TRHDE: variants seen among roughly 807,000 people sequenced by gnomAD.
The protein encoded by TRHDE is thyrotropin-releasing hormone-degrading ectoenzyme.
Under a neutral mutation model 125.7 loss-of-function variants are expected in TRHDE, and 72 were observed. The ratio of observed to expected loss-of-function variants is 0.57; its 90% CI spans 0.47 to 0.70. The LOEUF (loss-of-function observed/expected upper bound fraction) is 0.70, where lower values mean the gene tolerates loss of function less well. Ranked by LOEUF, TRHDE falls within the 30% of genes least tolerant of loss-of-function variation. TRHDE has a pLI of 0.00. For missense variants in TRHDE, 1,110 were observed against 1,327.1 expected (o/e 0.84, Z 2.54); for synonymous variants, 509 against 509.1 (o/e 1.00, Z 0.00).
At chr12:72,567,142 T>C (rs1416599328) in intron 9 of TRHDE, among the ~76,000 whole-genome samples, 10 of 145,398 alleles carry the variant, frequency 6.9e-5, no homozygotes, top group Admixed American at 6.7e-4. Flanking sequence ...TAAACCTATA[T>C]TGAAAGCTTG....
At chr12:72,091,584 C>A (rs61924289) in intron 1 of TRHDE, among the ~76,000 whole-genome samples, 8 of 152,126 alleles carry the variant, frequency 5.3e-5, no homozygotes, top group Non-Finnish European at 1.2e-4. Context: ...AGGGTGTGCA[C>A]GTGACCCAGG....
intron 2 of TRHDE, among the ~76,000 whole-genome samples, chr12:72,119,365 C>T (rs973515659): frequency 2.6e-5 from 4 of 151,778 alleles, no homozygotes; most frequent in African/African-American, 7.3e-5. Flanking sequence ...CTCTTGTTAT[C>T]GATTTCTAGC....
intron 2 of TRHDE, among the ~76,000 whole-genome samples, chr12:72,365,665 G>C (rs1871312336): frequency 6.6e-6 from 1 of 152,032 alleles, no homozygotes; most frequent in African/African-American, 2.4e-5. Context: ...ACACAAAAAG[G>C]AACACACACT....
At chr12:72,540,633 G>A (rs7967421) in intron 6 of TRHDE, among the ~76,000 whole-genome samples, 130 of 151,652 alleles carry the variant, frequency 8.6e-4, no homozygotes, top group African/African-American at 2.8e-3. Context: ...TTCCACCCTC[G>A]GGATGGGTCG....
At position 72,094,060 on chromosome 12, in the gene TRHDE, C is replaced by T. The variant is rs113665020; in HGVS notation, n.174+6621C>T. Among the ~76,000 whole-genome samples the T allele has an allele frequency of 1.8e-4, 28 of 152,206 alleles. No individual in the cohort carries two copies. In the East Asian group the frequency reaches 4.8e-3, roughly 26 times the overall value. The stretch of plus-strand genomic sequence containing the variant: ...TCGGATTGGAGCTGGGTCATGTGGC[C>T]GCTGTTGGGTTTGCAGTGGAGTCTG... On this transcript the variant is annotated intron_variant and non_coding_transcript_variant, in intron 1 of 4. Coordinates refer to the TRHDE transcript ENST00000548156.
At chr12:72,373,668 A>C (rs954646648) in intron 2 of TRHDE, among the ~76,000 whole-genome samples, 1 of 152,218 alleles carries the variant, frequency 6.6e-6, no homozygotes, top group South Asian at 2.1e-4. Context: ...ATTTTCAGCA[A>C]GTGTGGGATT....
At chr12:72,579,726 C>A (rs904928147) in intron 12 of TRHDE, among the ~76,000 whole-genome samples, 4 of 152,098 alleles carry the variant, frequency 2.6e-5, no homozygotes, top group Non-Finnish European at 5.9e-5. Context: ...TGTTTTACAT[C>A]TGTCTCTTCA....
At chr12:72,509,093 C>G (rs1878476268) in intron 6 of TRHDE, among the ~76,000 whole-genome samples, 1 of 152,094 alleles carries the variant, frequency 6.6e-6, no homozygotes, top group Admixed American at 6.5e-5. Flanking sequence ...CGAGAATAGA[C>G]TAATATACCA....
At chr12:72,528,726 A>AC (rs1343450010) in intron 6 of TRHDE, among the ~76,000 whole-genome samples, 6 of 150,958 alleles carry the variant, frequency 4.0e-5, no homozygotes, top group African/African-American at 7.3e-5. Context: ...TGATCTCGTG[A>AC]CCCCCCGCCT....
intron 2 of TRHDE, among the ~76,000 whole-genome samples, chr12:72,229,028 G>C (rs778012593): frequency 2.6e-4 from 40 of 152,264 alleles, no homozygotes; most frequent in Non-Finnish European, 5.4e-4. Context: ...ACATCTTTCT[G>C]TCTTTTTCTG....
intron 2 of TRHDE, among the ~76,000 whole-genome samples, chr12:72,129,765 C>T (rs1485163701): frequency 1.3e-5 from 2 of 152,104 alleles, no homozygotes; most frequent in East Asian, 3.8e-4. Flanking sequence ...ATTTCATAGA[C>T]AACCCAAGAG....
At chr12:72,195,991 C>T (rs1273851532) in intron 2 of TRHDE, among the ~76,000 whole-genome samples, 3 of 152,070 alleles carry the variant, frequency 2.0e-5, no homozygotes, top group African/African-American at 7.2e-5. Flanking sequence ...GAGTGCTTTT[C>T]CCATTGCTAT....
chr12:72,178,813 A>G (rs1455507888), intron 2 of TRHDE, among the ~76,000 whole-genome samples: 1 of 152,156 alleles, frequency 6.6e-6, no homozygotes, highest in Non-Finnish European at 1.5e-5. Flanking sequence ...TTGAGAACAG[A>G]TTTATCTGAA....
chr12:72,293,761 C>T (rs2139437547), intron 2 of TRHDE, among the ~76,000 whole-genome samples: 1 of 152,288 alleles, frequency 6.6e-6, no homozygotes, highest in African/African-American at 2.4e-5. Context: ...AACCTGTGGC[C>T]AATGGCACTT....
intron 2 of TRHDE, chr12:72,264,642 G>T (rs1879024282): frequency 6.6e-6 from 1 of 151,788 alleles, no homozygotes; most frequent in African/African-American, 2.4e-5. Context: ...AAACAAAATT[G>T]TCTCATATGT....
intron 3 of TRHDE, among the ~76,000 whole-genome samples, chr12:72,402,037 G>A (rs1873064726): frequency 6.6e-6 from 1 of 152,038 alleles, no homozygotes; most frequent in Non-Finnish European, 1.5e-5. Flanking sequence ...TAGGGCTGCT[G>A]TAGAAAAGTA....
chr12:72,444,580 A>G (rs17111176), intron 3 of TRHDE, among the ~76,000 whole-genome samples: 20,697 of 151,824 alleles, frequency 0.14, 2,337 homozygotes, highest in African/African-American at 0.3. Context: ...TGAAGACTTT[A>G]TAAGGACATA....
intron 2 of TRHDE, among the ~76,000 whole-genome samples, chr12:72,308,747 A>G (rs542321536): frequency 6.6e-6 from 1 of 152,200 alleles, no homozygotes; most frequent in Non-Finnish European, 1.5e-5. Context: ...CAAAACTGTT[A>G]TGCTACCTAA....
chr12:72,144,597 C>T (rs1054057330), intron 2 of TRHDE, among the ~76,000 whole-genome samples: 1 of 152,108 alleles, frequency 6.6e-6, no homozygotes, highest in African/African-American at 2.4e-5. Context: ...AAATGCTCAC[C>T]ATCAAGATTT....
Sources: allele counts gnomAD v4.1 joint callset (sites outside exome capture counted in the v4.1 genomes callset), GRCh38; gene constraint gnomAD v4.1.1; transcripts MANE v1.5; gene names NCBI Gene and HGNC (gene_info 2026-07-23, HGNC 2026-07-21).